MAST3: variants seen among roughly 807,000 people sequenced by gnomAD.
MAST3 encodes the protein microtubule-associated serine/threonine-protein kinase 3.
A neutral mutation model predicts 127.0 loss-of-function variants in MAST3; 43 were observed. The observed-to-expected ratio is 0.34, with a 90% CI of 0.27 to 0.44. The LOEUF (loss-of-function observed/expected upper bound fraction) is 0.44, where lower values mean the gene tolerates loss of function less well. MAST3 is among the 20% of genes least tolerant of loss of function. The pLI is 1.00. For synonymous variants in MAST3, 785 were observed against 809.2 expected, an observed-to-expected ratio of 0.97 and a Z score of 0.51; for missense variants, 1,390 against 1,919.1, an observed-to-expected ratio of 0.72 and a Z score of 5.15.
Position 18,139,005 on chromosome 19 carries a change from C to A in MAST3, c.2096-10C>A, listed in dbSNP as rs148746052. ...ATCAGGCGTGCTGCATGTGCCTCTC[C>A]CTCCCACAGCACGTTCGGAACGTTA... On this transcript the variant is annotated splice_polypyrimidine_tract_variant and intron_variant, in intron 19 of 27. Transcript: ENST00000687212. 1 of 1,564,304 alleles carries A rather than the reference C, an allele frequency of 6.4e-7. No homozygotes were observed. The highest frequency in any genetic ancestry group is 2.4e-5 in the East Asian group (1 of 42,544).
chr19:18,149,992 T>C lies in MAST3; in HGVS notation c.*266T>C, dbSNP rs1329861931. The C allele has an allele frequency of 8.2e-6, 3 of 365,170 alleles. No homozygotes were observed. Among genetic ancestry groups the C allele is most frequent in the South Asian group, 6.2e-5 (2 of 32,176 alleles). 22.6% of individuals were successfully genotyped at this position (365,170 alleles called of 1,614,324 possible). A position where few individuals can be genotyped will look rare whatever the true frequency, so the allele number is the denominator to read the frequency against. On this transcript the variant is annotated 3_prime_UTR_variant, in exon 28 of 28. Coordinates refer to ENST00000687212, the MANE Select transcript of MAST3 (RefSeq NM_001393504.1). The surrounding 1 kb of genome is among the most constrained non-coding windows in gnomAD (Gnocchi z 5.9). ...ATTTATTACTTTTTTTTTCTTTTTT[T>C]TTTTTTTTTTTTGAGACAGAGTCTC... is the stretch of plus-strand genomic sequence containing the variant.
At chr19:18,143,625 C>T (rs2042740998) in intron 21 of MAST3, 138 bp from the exon 22 acceptor site, 1 of 1,059,058 alleles carries the variant, frequency 9.4e-7, no homozygotes, top group East Asian at 2.6e-5. Context: ...GAGGACAGTG[C>T]AGACAGAAGG....
At chr19:18,111,779 A>G (rs2038679365) in intron 3 of MAST3, among the ~76,000 whole-genome samples, 1 of 152,006 alleles carries the variant, frequency 6.6e-6, no homozygotes, top group Non-Finnish European at 1.5e-5. Flanking sequence ...AGCCTCCCCA[A>G]GTGCTGGGAT....
intron 15 of MAST3, among the ~76,000 whole-genome samples, chr19:18,134,223 A>AAT (rs1555802462): frequency 3.0e-4 from 46 of 151,168 alleles, no homozygotes; most frequent in Middle Eastern, 3.4e-3. Flanking sequence ...ACACTAAAAA[A>AAT]ATATATATAT....
intron 5 of MAST3, 44 bp from the exon 6 acceptor site, chr19:18,122,628 CA>C: frequency 6.4e-7 from 1 of 1,550,828 alleles, no homozygotes; most frequent in Non-Finnish European, 8.8e-7. Flanking sequence ...CCACAAACCA[CA>C]GGGGCCAGGC....
rs993292519 is a variant in MAST3 at position 18,145,933 on chromosome 19, G to A, written c.3162+68G>A. 33 of 1,494,492 alleles carry A rather than the reference G, an allele frequency of 2.2e-5. No individual in the cohort carries two copies. Among genetic ancestry groups the A allele is most frequent in the East Asian group, 2.1e-4 (8 of 37,690 alleles). The allele number at this position is 1,494,492 out of a possible 1,614,324, so 92.6% of individuals were successfully genotyped here. A position where few individuals can be genotyped will look rare whatever the true frequency, so the allele number is the denominator to read the frequency against. ...CCTTGGCCGCAGCTCCCGGTTCCCC[G>A]TGGTTCTCCGCGTCCAGACACACAA... On this transcript the variant is annotated intron_variant, in intron 25 of 27. Coordinates refer to ENST00000687212, the MANE Select transcript of MAST3 (RefSeq NM_001393504.1). This position sits in a 1 kb window ranked among gnomAD's most constrained non-coding sequence, Gnocchi z 5.9.
At chr19:18,117,637 G>A (rs576146542) in intron 3 of MAST3, among the ~76,000 whole-genome samples, 8 of 152,300 alleles carry the variant, frequency 5.3e-5, no homozygotes, top group African/African-American at 1.7e-4. Flanking sequence ...AGCATGAGCC[G>A]GCCAGGACGC....
chr19:18,147,333 C>A, intron 26 of MAST3, 110 bp from the exon 27 acceptor site: 1 of 985,430 alleles, frequency 1.0e-6, no homozygotes, highest in Non-Finnish European at 1.5e-6. Flanking sequence ...GAACTCCTGA[C>A]CTTAAATGAT....
In MAST3 at chr19:18,123,651, C is replaced by A; in HGVS notation, c.629C>A (p.Pro210His). Residue 210 changes from proline to histidine, a missense_variant, in exon 8 of 28, where the codon CCC becomes CAC. Physicochemically the swap from Pro to His is moderately conservative, Grantham distance 77 (BLOSUM62 -2). Transcript: ENST00000687212. ...AATCACGTGTACCGGGAGAGGTTCCCCAAGGTGGGCAGCGCCTGGCGGCTG... is the reference window on the plus strand; with the variant it reads ...AATCACGTGTACCGGGAGAGGTTCCACAAGGTGGGCAGCGCCTGGCGGCTG... ...MMNHVYRERF[P>H]KATAQMEGRL... is the part of the protein sequence containing the mutation. The A allele has an allele frequency of 6.3e-7, 1 of 1,576,790 alleles. No homozygotes were observed. Among genetic ancestry groups the A allele is most frequent in the Admixed American group, 1.9e-5 (1 of 53,894 alleles).
Position 18,134,709 on chromosome 19 carries a change from C to T in MAST3, c.1702C>T (p.Gln568Ter). 1 of 1,612,720 alleles carries T rather than the reference C, an allele frequency of 6.2e-7. No homozygotes were observed. The highest frequency in any genetic ancestry group is 8.5e-7 in the Non-Finnish European group (1 of 1,178,986). Residue 568 changes from glutamine (Q) to a stop codon, truncating the protein, a stop_gained and splice_region_variant, in exon 16 of 28, where the codon CAG (glutamine) becomes TAG (stop). Transcript: ENST00000687212. LOFTEE classifies it high-confidence loss of function. ...EKDAREFIDKQVCGTPEYIAP... is the reference protein window; with the variant it reads ...EKDAREFIDK ...GGACGCCCGAGAGTTCATCGACAAG[C>T]AGGTGGGCGGGCAGGTGGGTGGGCA...
chr19:18,122,636 A>G (rs1187813954), intron 5 of MAST3, 37 bp from the exon 6 acceptor site: 6 of 1,577,714 alleles, frequency 3.8e-6, no homozygotes, highest in Non-Finnish European at 4.3e-6. Flanking sequence ...CACAGGGGCC[A>G]GGCCTTCCTT....
chr19:18,133,967 CT>C (rs2041617970), intron 15 of MAST3, among the ~76,000 whole-genome samples: 1 of 152,160 alleles, frequency 6.6e-6, no homozygotes. Flanking sequence ...TATGCACCAG[CT>C]GTATGAAGTC....
intron 3 of MAST3, among the ~76,000 whole-genome samples, chr19:18,119,229 C>G (rs947317815): frequency 2.6e-5 from 4 of 152,148 alleles, no homozygotes; most frequent in African/African-American, 4.8e-5. Context: ...AGACCTCGCC[C>G]AAGAACAGGA....
At chr19:18,130,781 G>A (rs745949569) in intron 14 of MAST3, 79 bp downstream of exon 14, 39 of 1,379,968 alleles carry the variant, frequency 2.8e-5, no homozygotes, top group Middle Eastern at 1.8e-4. Flanking sequence ...TTTAGACCAA[G>A]TTGAGGTCTG....
Position 18,149,331 on chromosome 19 carries a change from A to G in MAST3, c.3649A>G (p.Lys1217Glu). 2 of 1,524,416 alleles carry G rather than the reference A, an allele frequency of 1.3e-6. No individual in the cohort carries two copies. Among genetic ancestry groups the G allele is most frequent in the Non-Finnish European group, 1.8e-6 (2 of 1,137,838 alleles). 94.4% of individuals were successfully genotyped at this position (1,524,416 alleles called of 1,614,324 possible). Residue 1217 changes from lysine (K) to glutamate (E), a missense_variant, in exon 28 of 28, where the codon AAG (lysine) becomes GAG (glutamate). Physicochemically the swap from Lys to Glu is moderately conservative, Grantham distance 56 (BLOSUM62 1). Transcript: ENST00000687212. This position sits in a 1 kb window ranked among gnomAD's most constrained non-coding sequence, Gnocchi z 5.9. ...ACCCCGCCCCAAGACTGGCCGCCGCAAGTCCACCAGCAGCATCCCGCCCTC... is the reference window on the plus strand; with the variant it reads ...ACCCCGCCCCAAGACTGGCCGCCGCGAGTCCACCAGCAGCATCCCGCCCTC... The part of the protein sequence containing the change: ...GPPRPKTGRR[K>E]STSSIPPSPL...
intron 3 of MAST3, among the ~76,000 whole-genome samples, chr19:18,114,837 A>G (rs2039042589): frequency 6.6e-6 from 1 of 152,112 alleles, no homozygotes; most frequent in Non-Finnish European, 1.5e-5. Context: ...GGGCAGGAAG[A>G]ATGTGGATTT....
chr19:18,098,723 T>TCC (rs769763547), intron 1 of MAST3: 4 of 456,548 alleles, frequency 8.8e-6, no homozygotes, highest in South Asian at 6.2e-5. Context: ...CCACCAAGTT[T>TCC]TCAGGTAGGG....
chr19:18,101,124 T>G (rs188805526), intron 1 of MAST3, among the ~76,000 whole-genome samples: 1 of 152,288 alleles, frequency 6.6e-6, no homozygotes, highest in East Asian at 1.9e-4. Flanking sequence ...CTACTACTAC[T>G]ATTATCTTAT....
chr19:18,135,151 G>C (rs915061840), intron 17 of MAST3, among the ~76,000 whole-genome samples, 169 bp downstream of exon 17: 4 of 152,026 alleles, frequency 2.6e-5, no homozygotes, highest in Non-Finnish European at 5.9e-5. Flanking sequence ...TTAATTATAG[G>C]GTCACAGAGG....
Sources: gnomAD v4.1 joint callset for allele counts (sites outside exome capture counted in the v4.1 genomes callset) on GRCh38, gnomAD v4.1.1 for gene constraint, Gnocchi (gnomAD v3.1) non-coding constraint, MANE v1.5 for transcripts, NCBI Gene and HGNC (gene_info 2026-07-23, HGNC 2026-07-21) for gene names.